The following MDGA1 variants were observed in gnomAD, a reference collection of about 807,000 sequenced individuals.
MDGA1 encodes MAM domain containing glycosylphosphatidylinositol anchor 1.
A neutral mutation model predicts 101.5 loss-of-function variants in MDGA1; 54 were observed. The observed-to-expected ratio is 0.53, with a 90% CI of 0.43 to 0.67. MDGA1 has a LOEUF of 0.67. Among genes scored for constraint, MDGA1 ranks in the 30% least tolerant of loss-of-function variants. The pLI is 0.00. For synonymous variants in MDGA1, 533 were observed against 558.3 expected (o/e 0.95, Z 0.64); for missense variants, 1,083 against 1,323.8 (o/e 0.82, Z 2.82).
At chr6:37,646,101 T>G (rs758258684) in intron 11 of MDGA1, 97 bp downstream of exon 11, 1 of 1,557,720 alleles carries the variant, frequency 6.4e-7, no homozygotes, top group East Asian at 2.3e-5. Context: ...TAGTACACGG[T>G]GGGGAACCCC....
intron 10 of MDGA1, 92 bp from the exon 11 acceptor site, chr6:37,646,467 C>A: frequency 9.5e-7 from 1 of 1,055,140 alleles, no homozygotes; most frequent in East Asian, 2.7e-5. Flanking sequence ...TCCGTGCCCA[C>A]CTCCCAGGGC....
In MDGA1 at chr6:37,631,651, C is replaced by T. The variant is rs563626539; in HGVS notation, c.*5717G>A. 7.7e-4 allele frequency: 118 copies of T among 152,286 alleles called. 1 individual carries two copies. Among genetic ancestry groups the T allele is most frequent in the African/African-American group, 2.8e-3 (116 of 41,550 alleles). The allele number at this position is 152,286 out of a possible 1,614,324, so 9.4% of individuals were successfully genotyped here. ...GTCACTTTGCAAATGCTCATCACTG[C>T]CTATCCCCATGACCTTGGCAAGCCC... On this transcript the variant is annotated 3_prime_UTR_variant, in exon 17 of 17. Transcript: ENST00000434837.
intron 2 of MDGA1, among the ~76,000 whole-genome samples, chr6:37,660,156 G>A (rs1034039779): frequency 4.0e-5 from 6 of 149,816 alleles, no homozygotes; most frequent in Non-Finnish European, 1.5e-5. Context: ...AGGACTACAG[G>A]TGTGTGCCAC....
In MDGA1 at chr6:37,631,116, G is replaced by A. The variant is rs1763816890; in HGVS notation, c.*6252C>T. ...TTTATTCTACCACAGGTAGAATACA[G>A]AAGCACCAGAAGAATACAGAAGCAC... On this transcript the variant is annotated 3_prime_UTR_variant, in exon 17 of 17. Coordinates refer to ENST00000434837, the MANE Select transcript of MDGA1 (RefSeq NM_153487.4). The A allele has an allele frequency of 6.6e-6, 1 of 152,180 alleles. No homozygotes were observed. The highest frequency in any genetic ancestry group is 1.5e-5 in the Non-Finnish European group (1 of 68,026). The allele number at this position is 152,180 out of a possible 1,614,324, so 9.4% of individuals were successfully genotyped here. A position where few individuals can be genotyped will look rare whatever the true frequency, so the allele number is the denominator to read the frequency against.
At chr6:37,684,127 T>C (rs1762150579) in intron 1 of MDGA1, among the ~76,000 whole-genome samples, 1 of 152,240 alleles carries the variant, frequency 6.6e-6, no homozygotes, top group South Asian at 2.1e-4. Flanking sequence ...GGCTTAGGGC[T>C]GCCAGGTATT....
intron 3 of MDGA1, among the ~76,000 whole-genome samples, chr6:37,657,479 T>C (rs1581602049): frequency 6.6e-6 from 1 of 152,146 alleles, no homozygotes; most frequent in Non-Finnish European, 1.5e-5. Context: ...ACCTAAGAAA[T>C]GGCCCTCAGC....
intron 9 of MDGA1, among the ~76,000 whole-genome samples, chr6:37,647,586 G>T (rs1379419752): frequency 6.6e-6 from 1 of 151,636 alleles, no homozygotes; most frequent in Non-Finnish European, 1.5e-5. Context: ...GAAGAGAAAG[G>T]CAGGCCGAGA....
Position 37,635,804 on chromosome 6 carries a change from C to T in MDGA1, c.*1564G>A, listed in dbSNP as rs1277953256. 2.5e-5 allele frequency: 10 copies of T among 398,224 alleles called. No individual in the cohort carries two copies. The highest frequency in any genetic ancestry group is 1.3e-3 in the Middle Eastern group (2 of 1,590). 24.7% of individuals were successfully genotyped at this position (398,224 alleles called of 1,614,324 possible). ...AGGTGGAATTTCAGGCCATCGCAGG[C>T]AGCTTGAGACTACAGAACAGGGCTG... On this transcript the variant is annotated 3_prime_UTR_variant, in exon 17 of 17. Coordinates refer to ENST00000434837, the MANE Select transcript of MDGA1 (RefSeq NM_153487.4).
At chr6:37,661,128 A>T (rs1246930387) in intron 2 of MDGA1, among the ~76,000 whole-genome samples, 1 of 152,048 alleles carries the variant, frequency 6.6e-6, no homozygotes, top group African/African-American at 2.4e-5. Context: ...AGATGATGCC[A>T]CTCTTGTTGA....
intron 1 of MDGA1, among the ~76,000 whole-genome samples, chr6:37,673,755 G>T (rs1761920262): frequency 6.6e-6 from 1 of 152,092 alleles, no homozygotes; most frequent in South Asian, 2.1e-4. Context: ...CCAGTTCTGT[G>T]CTAGGAAAGC....
At chr6:37,641,105 C>T (rs138205848) in intron 14 of MDGA1, among the ~76,000 whole-genome samples, 18 of 152,304 alleles carry the variant, frequency 1.2e-4, no homozygotes, top group Middle Eastern at 3.4e-3. Flanking sequence ...CCCACTCTGC[C>T]TGGCAGCTCT....
intron 1 of MDGA1, among the ~76,000 whole-genome samples, chr6:37,675,777 C>CA (rs1561858542): frequency 6.6e-6 from 1 of 152,148 alleles, no homozygotes; most frequent in Non-Finnish European, 1.5e-5. Context: ...GCCTGGATCC[C>CA]AGAAAGGAAA....
intron 1 of MDGA1, among the ~76,000 whole-genome samples, chr6:37,689,321 T>C (rs1762260887): frequency 6.6e-6 from 1 of 152,356 alleles, no homozygotes; most frequent in Non-Finnish European, 1.5e-5. Flanking sequence ...TGTGCAAATC[T>C]ACCTCTCCTG....
intron 3 of MDGA1, among the ~76,000 whole-genome samples, chr6:37,657,603 A>C (rs764692872): frequency 6.6e-5 from 10 of 152,178 alleles, no homozygotes; most frequent in Admixed American, 2.6e-4. Flanking sequence ...TGTATAGCTA[A>C]TAGGTAGGTT....
chr6:37,686,277 C>T (rs1372221188), intron 1 of MDGA1, among the ~76,000 whole-genome samples: 2 of 152,082 alleles, frequency 1.3e-5, no homozygotes, highest in Non-Finnish European at 1.5e-5. Context: ...TGAGCCCCAT[C>T]AGCCTTTTGG....
intron 1 of MDGA1, among the ~76,000 whole-genome samples, chr6:37,665,038 C>G (rs1761716632): frequency 6.6e-6 from 1 of 152,110 alleles, no homozygotes; most frequent in Non-Finnish European, 1.5e-5. Context: ...GGCTGCGGCT[C>G]CTCCCTGACC....
In MDGA1 at chr6:37,644,643, G is replaced by A. The variant is rs2114006614; in HGVS notation, c.2255C>T (p.Thr752Ile). 1 of 1,580,796 alleles carries A rather than the reference G, an allele frequency of 6.3e-7. No individual in the cohort carries two copies. Among genetic ancestry groups the A allele is most frequent in the Non-Finnish European group, 8.6e-7 (1 of 1,163,696 alleles). The change falls in exon 13 of 17, where the codon ACC (threonine) becomes ATC (isoleucine). Residue 752 changes from threonine (T) to isoleucine (I), a missense_variant. Physicochemically the swap from Thr to Ile is moderately conservative, Grantham distance 89. Coordinates refer to ENST00000434837, the MANE Select transcript of MDGA1 (RefSeq NM_153487.4). Reference sequence around the variant, plus strand: ...GATCTTCTCATCCTCAAAGTGGCAGGTGTTGTCTGCATTTTATGGGGCGAA... The same window carrying A: ...GATCTTCTCATCCTCAAAGTGGCAGATGTTGTCTGCATTTTATGGGGCGAA... ...PINSPNLSDN[T>I]CHFEDEKICG...
chr6:37,667,550 C>T (rs1206968324), intron 1 of MDGA1, among the ~76,000 whole-genome samples: 6 of 152,192 alleles, frequency 3.9e-5, no homozygotes, highest in South Asian at 4.1e-4. Flanking sequence ...ACATCTTTCA[C>T]GATACGTGAA....
intron 1 of MDGA1, among the ~76,000 whole-genome samples, chr6:37,695,967 T>C (rs1762409446): frequency 6.6e-6 from 1 of 151,492 alleles, no homozygotes; most frequent in Admixed American, 6.6e-5. Context: ...GTAACCAGAG[T>C]CTCCCTTGGT....
Sources: allele counts gnomAD v4.1 joint callset (sites outside exome capture counted in the v4.1 genomes callset), GRCh38; gene constraint gnomAD v4.1.1; transcripts MANE v1.5; gene names NCBI Gene and HGNC (gene_info 2026-07-23, HGNC 2026-07-21).